Variants in DCC observed in about 807,000 individuals in gnomAD.
DCC encodes the protein DCC netrin 1 receptor, also known as netrin receptor DCC.
In DCC, 58 loss-of-function variants were observed where a neutral mutation model predicts 172.5. The ratio of observed to expected loss-of-function variants is 0.34; its 90% confidence interval spans 0.27 to 0.42. The LOEUF is 0.42. DCC is among the 10% of genes least tolerant of loss of function. The pLI, the probability that DCC is intolerant of heterozygous loss-of-function variation, is 1.00. For missense variants in DCC, 1,740 were observed against 1,791.0 expected, an observed-to-expected ratio of 0.97 and a Z score of 0.51; for synonymous variants, 709 against 644.5, an observed-to-expected ratio of 1.10 and a Z score of -1.52.
intron 1 of DCC, among the ~76,000 whole-genome samples, chr18:52,602,561 A>G (rs2034039204): frequency 6.6e-6 from 1 of 152,114 alleles, no homozygotes; most frequent in African/African-American, 2.4e-5. Flanking sequence ...AATTTTGTGC[A>G]TAATATAAAC....
At chr18:52,444,259 A>T (rs1988056329) in intron 1 of DCC, among the ~76,000 whole-genome samples, 1 of 152,216 alleles carries the variant, frequency 6.6e-6, no homozygotes, top group Non-Finnish European at 1.5e-5. Context: ...CCTCCAGCAC[A>T]TTTCAAATAT....
chr18:52,916,770 C>T (rs1192866857), intron 3 of DCC, among the ~76,000 whole-genome samples: 2 of 152,236 alleles, frequency 1.3e-5, no homozygotes, highest in South Asian at 2.1e-4. Flanking sequence ...GTACACCTCC[C>T]TTTTCCAACT....
intron 2 of DCC, among the ~76,000 whole-genome samples, chr18:52,829,649 T>C (rs1277060223): frequency 6.6e-6 from 1 of 151,748 alleles, no homozygotes; most frequent in African/African-American, 2.4e-5. Context: ...AATGATACTT[T>C]AAAAAGCATG....
chr18:53,358,564 T>C (rs1372214116), intron 15 of DCC, among the ~76,000 whole-genome samples: 1 of 131,630 alleles, frequency 7.6e-6, no homozygotes, highest in Admixed American at 8.3e-5. Flanking sequence ...CGACAGAGTC[T>C]GGCTCTGTTG....
chr18:52,831,705 T>A (rs140095070), intron 2 of DCC, among the ~76,000 whole-genome samples: 2 of 152,144 alleles, frequency 1.3e-5, no homozygotes, highest in Admixed American at 6.5e-5. Flanking sequence ...TATTGATCTA[T>A]CCATAGTTTT....
At chr18:53,199,461 A>C (rs894100843) in intron 9 of DCC, among the ~76,000 whole-genome samples, 2 of 152,060 alleles carry the variant, frequency 1.3e-5, no homozygotes, top group African/African-American at 4.8e-5. Context: ...GTAATGTATC[A>C]CATATGTAAA....
intron 12 of DCC, among the ~76,000 whole-genome samples, chr18:53,257,670 T>C (rs1423309137): frequency 6.6e-6 from 1 of 150,836 alleles, no homozygotes; most frequent in Non-Finnish European, 1.5e-5. Flanking sequence ...TCTAGAATTC[T>C]CTTTTTTTTG....
chr18:52,849,326 G>T (rs577654476), intron 2 of DCC, among the ~76,000 whole-genome samples: 1 of 152,084 alleles, frequency 6.6e-6, no homozygotes, highest in Non-Finnish European at 1.5e-5. Context: ...AAATCAGCAG[G>T]AATGCCTTTC....
At chr18:53,205,075 A>C (rs750479480) in intron 9 of DCC, 141 bp from the exon 10 acceptor site, 4 of 679,454 alleles carry the variant, frequency 5.9e-6, no homozygotes, top group Non-Finnish European at 1.0e-5. Context: ...TTATATTTTT[A>C]TATTCTTATT....
intron 15 of DCC, among the ~76,000 whole-genome samples, chr18:53,347,451 C>G (rs1322959440): frequency 1.3e-5 from 2 of 152,100 alleles, no homozygotes; most frequent in Non-Finnish European, 2.9e-5. Context: ...ATTGGAAACT[C>G]ACAGTCCCAT....
intron 27 of DCC, among the ~76,000 whole-genome samples, chr18:53,500,066 A>G (rs1275135721): frequency 6.6e-6 from 1 of 152,236 alleles, no homozygotes; most frequent in Non-Finnish European, 1.5e-5. Flanking sequence ...ATTTAGATTG[A>G]TAGAAAGTAA....
chr18:53,412,461 C>T (rs1568115610), intron 20 of DCC, among the ~76,000 whole-genome samples: 1 of 152,084 alleles, frequency 6.6e-6, no homozygotes, highest in African/African-American at 2.4e-5. Context: ...TTTCAAGCTA[C>T]AACATAAGCA....
intron 2 of DCC, among the ~76,000 whole-genome samples, chr18:52,826,754 C>G (rs1303674721): frequency 6.6e-6 from 1 of 152,068 alleles, no homozygotes; most frequent in East Asian, 1.9e-4. Flanking sequence ...GCTGGGATTA[C>G]AGGTGTGAGC....
chr18:52,720,673 T>C (rs1474069009), intron 1 of DCC, among the ~76,000 whole-genome samples: 1 of 152,138 alleles, frequency 6.6e-6, no homozygotes, highest in Non-Finnish European at 1.5e-5. Flanking sequence ...GAAGGGGAGA[T>C]GAAAGGTGAG....
chr18:52,899,290 C>T (rs1598910454), intron 2 of DCC, among the ~76,000 whole-genome samples: 1 of 151,130 alleles, frequency 6.6e-6, no homozygotes, highest in East Asian at 2.0e-4. Flanking sequence ...GCTGGGACTA[C>T]AGGTGTGCAC....
chr18:52,629,983 A>C (rs2034645843), intron 1 of DCC, among the ~76,000 whole-genome samples: 1 of 144,352 alleles, frequency 6.9e-6, no homozygotes. Context: ...AAAATTAGCC[A>C]GACATGGTGG....
At chr18:52,726,761 C>T (rs571057538) in intron 1 of DCC, among the ~76,000 whole-genome samples, 16 of 152,308 alleles carry the variant, frequency 1.1e-4, no homozygotes, top group African/African-American at 3.8e-4. Flanking sequence ...GCTATGTGGT[C>T]TCTCTGACCC....
intron 2 of DCC, among the ~76,000 whole-genome samples, chr18:52,773,089 G>A (rs2037370051): frequency 6.6e-6 from 1 of 152,136 alleles, no homozygotes; most frequent in Non-Finnish European, 1.5e-5. Flanking sequence ...TCCTCCAGAG[G>A]CTGCTGTAAC....
intron 1 of DCC, among the ~76,000 whole-genome samples, chr18:52,453,976 A>T (rs1988383519): frequency 6.6e-6 from 1 of 152,192 alleles, no homozygotes; most frequent in Non-Finnish European, 1.5e-5. Flanking sequence ...TCACTGAATC[A>T]CACCTAGGAA....
Sources: allele counts gnomAD v4.1 joint callset (sites outside exome capture counted in the v4.1 genomes callset), GRCh38; gene constraint gnomAD v4.1.1; transcripts MANE v1.5; gene names NCBI Gene and HGNC (gene_info 2026-07-23, HGNC 2026-07-21).